POU5F2: variants seen among roughly 807,000 people sequenced by gnomAD.
The protein encoded by POU5F2 is POU domain class 5, transcription factor 2.
For missense variants in POU5F2, 401 were observed against 426.6 expected (o/e 0.94, Z 0.53); for synonymous variants, 191 against 178.7 (o/e 1.07, Z -0.55).
chr5:93,738,456 A>G lies in POU5F2; in HGVS notation c.*2121T>C, dbSNP rs1362774159. On this transcript the variant is annotated 3_prime_UTR_variant, in exon 1 of 1. Coordinates refer to ENST00000606183, the MANE Select transcript of POU5F2 (RefSeq NM_153216.2). ...AATTCCACTCCTATGTATACATCCA[A>G]GAGAACTGAAACAACAGATAAACAA... 1 of 152,270 alleles carries G rather than the reference A, an allele frequency of 6.6e-6. No individual in the cohort carries two copies. The highest frequency in any genetic ancestry group is 2.4e-5 in the African/African-American group (1 of 41,456). 9.4% of individuals were successfully genotyped at this position (152,270 alleles called of 1,614,324 possible).
rs1748152655 is a variant in POU5F2 at position 93,740,471 on chromosome 5, T to C, written c.*106A>G. 1.6e-6 allele frequency: 2 copies of C among 1,241,654 alleles called. No homozygotes were observed. Among genetic ancestry groups the C allele is most frequent in the Admixed American group, 2.3e-5 (1 of 42,638 alleles). The allele number at this position is 1,241,654 out of a possible 1,614,324, so 76.9% of individuals were successfully genotyped here. A position where few individuals can be genotyped will look rare whatever the true frequency, so the allele number is the denominator to read the frequency against. Reference sequence around the variant, plus strand: ...ATCCTTAACTTCTTTAGACAGTGAATGAGAAATTAATACTAAAAGCCCTCA... The same window carrying C: ...ATCCTTAACTTCTTTAGACAGTGAACGAGAAATTAATACTAAAAGCCCTCA... On this transcript the variant is annotated 3_prime_UTR_variant, in exon 1 of 1. Coordinates refer to ENST00000606183, the MANE Select transcript of POU5F2 (RefSeq NM_153216.2).
At position 93,740,499 on chromosome 5, in the gene POU5F2, T is replaced by C; in HGVS notation, c.*78A>G. On this transcript the variant is annotated 3_prime_UTR_variant, in exon 1 of 1. Coordinates refer to ENST00000606183, the MANE Select transcript of POU5F2 (RefSeq NM_153216.2). ...GAAATTAATACTAAAAGCCCTCAAA[T>C]GAACCCTAGGGACATTTCCTGGGTT... 3 of 1,439,246 alleles carry C rather than the reference T, an allele frequency of 2.1e-6. No homozygotes were observed. Among genetic ancestry groups the C allele is most frequent in the Non-Finnish European group, 2.8e-6 (3 of 1,065,712 alleles). The allele number at this position is 1,439,246 out of a possible 1,614,324, so 89.2% of individuals were successfully genotyped here. A position where few individuals can be genotyped will look rare whatever the true frequency, so the allele number is the denominator to read the frequency against.
Position 93,740,616 on chromosome 5 carries a change from G to A in POU5F2, c.948C>T (p.Ser316=), listed in dbSNP as rs1056597547. The A allele has an allele frequency of 1.2e-6, 2 of 1,604,268 alleles. No homozygotes were observed. Among genetic ancestry groups the A allele is most frequent in the East Asian group, 2.2e-5 (1 of 44,544 alleles). Residue 316 remains serine (S), a synonymous_variant, in exon 1 of 1, where the codon TCC becomes TCT. Transcript: ENST00000606183. ...TRLYSAGVAH[S]SAPATTLGLL... ...GGCCCAGAGTGGTGGCTGGGGCAGAGGAGTGGGCTACCCCTGCAGAGTAGA... is the reference window on the plus strand; with the variant it reads ...GGCCCAGAGTGGTGGCTGGGGCAGAAGAGTGGGCTACCCCTGCAGAGTAGA...
rs536782638 is a variant in POU5F2 at position 93,740,309 on chromosome 5, C to T, written c.*268G>A. On this transcript the variant is annotated 3_prime_UTR_variant, in exon 1 of 1. Transcript: ENST00000606183. ...TTTAATAAAAAAAGGAACAAAATAT[C>T]GAAACCATCTATATACTGTAATGTA... The T allele has an allele frequency of 3.0e-4, 105 of 351,322 alleles. No homozygotes were observed. Among genetic ancestry groups the T allele is most frequent in the Admixed American group, 5.5e-4 (13 of 23,678 alleles). 21.8% of individuals were successfully genotyped at this position (351,322 alleles called of 1,614,324 possible). A position where few individuals can be genotyped will look rare whatever the true frequency, so the allele number is the denominator to read the frequency against.
rs529288221 is a variant in POU5F2, at chr5:93,739,246, A to AG, written c.*1330_*1331insC. Reference sequence around the variant, plus strand: ...ATTCTCTATACAGCCACCAGAAAAAAAAAGAAAGAAAGAAAGAAACTAAGT... The same window carrying AG: ...ATTCTCTATACAGCCACCAGAAAAAAGAAAGAAAGAAAGAAAGAAACTAAGT... On this transcript the variant is annotated 3_prime_UTR_variant, in exon 1 of 1. Transcript: ENST00000606183. The AG allele has an allele frequency of 1.3e-3, 193 of 152,224 alleles. No individual in the cohort carries two copies. The highest frequency in any genetic ancestry group is 4.3e-3 in the African/African-American group (180 of 41,520). 9.4% of individuals were successfully genotyped at this position (152,224 alleles called of 1,614,324 possible).
chr5:93,741,328 C>G lies in POU5F2; in HGVS notation c.236G>C (p.Cys79Ser). The part of the protein sequence containing the change: ...PHEFRGWIAP[C>S]RPRLGASEAG... Reference sequence around the variant, plus strand: ...CTCACTAGCTCCAAGACGGGGCCTGCAGGGTGCTATCCAGCCCCGGAATTC... The same window carrying G: ...CTCACTAGCTCCAAGACGGGGCCTGGAGGGTGCTATCCAGCCCCGGAATTC... Residue 79 changes from cysteine to serine, a missense_variant, in exon 1 of 1, where the codon TGC (cysteine) becomes TCC (serine). Transcript: ENST00000606183. 1.9e-6 allele frequency: 3 copies of G among 1,612,898 alleles called. No homozygotes were observed. Among genetic ancestry groups the G allele is most frequent in the South Asian group, 2.2e-5 (2 of 90,918 alleles).
In POU5F2 at chr5:93,736,928, A is replaced by C. The variant is rs921946143; in HGVS notation, c.*3649T>G. ...ATGTCCTCTTCTGCTACTTTTATAC[A>C]ACACAGTACTACACATTTTTGCCAG... On this transcript the variant is annotated 3_prime_UTR_variant, in exon 1 of 1. Coordinates refer to ENST00000606183, the MANE Select transcript of POU5F2 (RefSeq NM_153216.2). 6.6e-6 allele frequency: 1 copy of C among 152,198 alleles called. No homozygotes were observed. The highest frequency in any genetic ancestry group is 2.4e-5 in the African/African-American group (1 of 41,448). The allele number at this position is 152,198 out of a possible 1,614,324, so 9.4% of individuals were successfully genotyped here. A position where few individuals can be genotyped will look rare whatever the true frequency, so the allele number is the denominator to read the frequency against.
rs1240737065 is a variant in POU5F2 at position 93,740,545 on chromosome 5, C to G, written c.*32G>C. Reference sequence around the variant, plus strand: ...GGGTTTTCCCTTCTTCTCCCCTCTCCAACCGTGCCGTGAAGGGCAAGCCCC... The same window carrying G: ...GGGTTTTCCCTTCTTCTCCCCTCTCGAACCGTGCCGTGAAGGGCAAGCCCC... On this transcript the variant is annotated 3_prime_UTR_variant, in exon 1 of 1. Coordinates refer to ENST00000606183, the MANE Select transcript of POU5F2 (RefSeq NM_153216.2). 6.4e-7 allele frequency: 1 copy of G among 1,557,016 alleles called. No individual in the cohort carries two copies. Among genetic ancestry groups the G allele is most frequent in the Non-Finnish European group, 8.7e-7 (1 of 1,148,180 alleles).
rs940362869 is a variant in POU5F2, at chr5:93,738,604, T to C, written c.*1973A>G. On this transcript the variant is annotated 3_prime_UTR_variant, in exon 1 of 1. Coordinates refer to ENST00000606183, the MANE Select transcript of POU5F2 (RefSeq NM_153216.2). The stretch of plus-strand genomic sequence containing the variant: ...ATAAACAAAATGTGGTATATATCCA[T>C]ACAATGGAATATTATTCAGTCATAA... The C allele has an allele frequency of 6.6e-6, 1 of 152,198 alleles. No individual in the cohort carries two copies. The highest frequency in any genetic ancestry group is 1.5e-5 in the Non-Finnish European group (1 of 68,024). The allele number at this position is 152,198 out of a possible 1,614,324, so 9.4% of individuals were successfully genotyped here. A position where few individuals can be genotyped will look rare whatever the true frequency, so the allele number is the denominator to read the frequency against.
In POU5F2 at chr5:93,741,574, G is replaced by A. The variant is rs947665086; in HGVS notation, c.-11C>T. 1.3e-6 allele frequency: 2 copies of A among 1,514,160 alleles called. No homozygotes were observed. The highest frequency in any genetic ancestry group is 4.4e-5 in the Admixed American group (2 of 45,734). 93.8% of individuals were successfully genotyped at this position (1,514,160 alleles called of 1,614,324 possible). Reference sequence around the variant, plus strand: ...CCTGTGTCCGGCCATGGGTGGAATGGCACCCGCAGCGGCTCTGGTAGGAAC... The same window carrying A: ...CCTGTGTCCGGCCATGGGTGGAATGACACCCGCAGCGGCTCTGGTAGGAAC... On this transcript the variant is annotated 5_prime_UTR_variant, in exon 1 of 1. Coordinates refer to ENST00000606183, the MANE Select transcript of POU5F2 (RefSeq NM_153216.2).
Position 93,740,741 on chromosome 5 carries a change from G to A in POU5F2, c.823C>T (p.Arg275Trp), listed in dbSNP as rs1301870139. Reference protein sequence around the residue: ...GSRPTNDASPREIVGTAGPPC... With the variant: ...GSRPTNDASPWEIVGTAGPPC... ...GGCCCGGCTGTCCCCACAATCTCCC[G>A]TGGGGAAGCATCATTGGTTGGTCGA... Residue 275 changes from arginine (R) to tryptophan (W), a missense_variant, in exon 1 of 1, where the codon CGG becomes TGG. Arg to Trp is a moderately radical substitution (Grantham distance 101). Coordinates refer to ENST00000606183, the MANE Select transcript of POU5F2 (RefSeq NM_153216.2). The A allele has an allele frequency of 5.6e-6, 9 of 1,612,500 alleles. No homozygotes were observed. Among genetic ancestry groups the A allele is most frequent in the South Asian group, 4.4e-5 (4 of 90,858 alleles).
rs958308410 is a variant in POU5F2, at chr5:93,739,435, T to C, written c.*1142A>G. On this transcript the variant is annotated 3_prime_UTR_variant, in exon 1 of 1. Transcript: ENST00000606183. ...TTTGAAAATACCTATAGATAAAACA[T>C]TTGCAAGACTGATCACAAAAAAAGC... is the stretch of plus-strand genomic sequence containing the variant. 6.6e-6 allele frequency: 1 copy of C among 151,998 alleles called. No individual in the cohort carries two copies. The highest frequency in any genetic ancestry group is 6.5e-5 in the Admixed American group (1 of 15,268). The allele number at this position is 151,998 out of a possible 1,614,324, so 9.4% of individuals were successfully genotyped here. A position where few individuals can be genotyped will look rare whatever the true frequency, so the allele number is the denominator to read the frequency against.
rs1748123092 is a variant in POU5F2, at chr5:93,740,333, T to C, written c.*244A>G. 1.2e-5 allele frequency: 6 copies of C among 492,334 alleles called. No individual in the cohort carries two copies. Among genetic ancestry groups the C allele is most frequent in the Non-Finnish European group, 3.6e-6 (1 of 279,210 alleles). 30.5% of individuals were successfully genotyped at this position (492,334 alleles called of 1,614,324 possible). A position where few individuals can be genotyped will look rare whatever the true frequency, so the allele number is the denominator to read the frequency against. ...TCGAAACCATCTATATACTGTAATGTACCTTTAAACCAATGCTAGGGAAAA... is the reference window on the plus strand; with the variant it reads ...TCGAAACCATCTATATACTGTAATGCACCTTTAAACCAATGCTAGGGAAAA... On this transcript the variant is annotated 3_prime_UTR_variant, in exon 1 of 1. Transcript: ENST00000606183.
chr5:93,733,412 G>A lies in POU5F2; in HGVS notation c.*7165C>T, dbSNP rs1746559441. On this transcript the variant is annotated 3_prime_UTR_variant, in exon 1 of 1. Transcript: ENST00000606183. ...GATGGGTTTTTACCATGTAGACCAG[G>A]ATGGTCTTGATATCTTGACCTTGTG... is the stretch of plus-strand genomic sequence containing the variant. 1 of 151,978 alleles carries A rather than the reference G, an allele frequency of 6.6e-6. No individual in the cohort carries two copies. The highest frequency in any genetic ancestry group is 1.5e-5 in the Non-Finnish European group (1 of 68,008). 9.4% of individuals were successfully genotyped at this position (151,978 alleles called of 1,614,324 possible).
chr5:93,735,913 G>A lies in POU5F2; in HGVS notation c.*4664C>T, dbSNP rs1338934965. The A allele has an allele frequency of 1.3e-5, 2 of 151,936 alleles. No homozygotes were observed. Among genetic ancestry groups the A allele is most frequent in the East Asian group, 3.9e-4 (2 of 5,146 alleles). 9.4% of individuals were successfully genotyped at this position (151,936 alleles called of 1,614,324 possible). ...GATTCTTCTGCTTGATGATGTTGTGGATTCACTGTAGTGAGTTTGGTCCAA... is the reference window on the plus strand; with the variant it reads ...GATTCTTCTGCTTGATGATGTTGTGAATTCACTGTAGTGAGTTTGGTCCAA... On this transcript the variant is annotated 3_prime_UTR_variant, in exon 1 of 1. Coordinates refer to ENST00000606183, the MANE Select transcript of POU5F2 (RefSeq NM_153216.2).
Position 93,734,893 on chromosome 5 carries a change from G to A in POU5F2, c.*5684C>T, listed in dbSNP as rs1746881583. 1 of 151,922 alleles carries A rather than the reference G, an allele frequency of 6.6e-6. No individual in the cohort carries two copies. The highest frequency in any genetic ancestry group is 1.5e-5 in the Non-Finnish European group (1 of 68,024). The allele number at this position is 151,922 out of a possible 1,614,324, so 9.4% of individuals were successfully genotyped here. ...CTGCCTCAGCCTCCTGAGTAGCTGGGATTAAGGTGCACACCACCATGCCCG... is the reference window on the plus strand; with the variant it reads ...CTGCCTCAGCCTCCTGAGTAGCTGGAATTAAGGTGCACACCACCATGCCCG... On this transcript the variant is annotated 3_prime_UTR_variant, in exon 1 of 1. Transcript: ENST00000606183.
Position 93,735,179 on chromosome 5 carries a change from A to T in POU5F2, c.*5398T>A, listed in dbSNP as rs1162206241. Reference sequence around the variant, plus strand: ...GGGTAGTTATTCTTCTGTTTAAGGGATCTTCTGATTAAAGTTTCTACATAT... The same window carrying T: ...GGGTAGTTATTCTTCTGTTTAAGGGTTCTTCTGATTAAAGTTTCTACATAT... On this transcript the variant is annotated 3_prime_UTR_variant, in exon 1 of 1. Coordinates refer to ENST00000606183, the MANE Select transcript of POU5F2 (RefSeq NM_153216.2). 1 of 152,156 alleles carries T rather than the reference A, an allele frequency of 6.6e-6. No homozygotes were observed. Among genetic ancestry groups the T allele is most frequent in the African/African-American group, 2.4e-5 (1 of 41,438 alleles). The allele number at this position is 152,156 out of a possible 1,614,324, so 9.4% of individuals were successfully genotyped here.
rs1490795213 is a variant in POU5F2, at chr5:93,741,283, C to A, written c.281G>T (p.Arg94Leu). 31 of 1,613,726 alleles carry A rather than the reference C, an allele frequency of 1.9e-5. No homozygotes were observed. Among genetic ancestry groups the A allele is most frequent in the Non-Finnish European group, 2.6e-5 (31 of 1,179,804 alleles). Residue 94 changes from arginine to leucine, a missense_variant, in exon 1 of 1, where the codon CGC becomes CTC. Arg to Leu is a moderately radical substitution (Grantham distance 102). Transcript: ENST00000606183. Reference sequence around the variant, plus strand: ...CCCCGGGAGGGCGCCTTCGGAGGGGCGTCGCAACCAGTCCCCTGCCTCACT... The same window carrying A: ...CCCCGGGAGGGCGCCTTCGGAGGGGAGTCGCAACCAGTCCCCTGCCTCACT... ...GASEAGDWLR[R>L]PSEGALPGPY...
Position 93,738,722 on chromosome 5 carries a change from T to C in POU5F2, c.*1855A>G, listed in dbSNP as rs1273810963. 2.0e-5 allele frequency: 3 copies of C among 152,196 alleles called. No individual in the cohort carries two copies. The highest frequency in any genetic ancestry group is 7.2e-5 in the African/African-American group (3 of 41,454). 9.4% of individuals were successfully genotyped at this position (152,196 alleles called of 1,614,324 possible). A position where few individuals can be genotyped will look rare whatever the true frequency, so the allele number is the denominator to read the frequency against. On this transcript the variant is annotated 3_prime_UTR_variant, in exon 1 of 1. Transcript: ENST00000606183. ...GCCAGATACAAAAGGTCAAATGTTG[T>C]ATGGTTCCATGAATATGAACTGCTT...
Sources: gnomAD v4.1 joint callset for allele counts on GRCh38, gnomAD v4.1.1 for gene constraint, MANE v1.5 for transcripts, NCBI Gene and HGNC (gene_info 2026-07-23, HGNC 2026-07-21) for gene names.